Variants in SYBU observed in about 807,000 individuals in gnomAD.
SYBU encodes the protein syntabulin.
Under a neutral mutation model 35.9 loss-of-function variants are expected in SYBU, and 21 were observed. That is an observed-to-expected ratio of 0.58 (90% CI 0.41 to 0.84). SYBU has a LOEUF of 0.84. Among genes scored for constraint, SYBU ranks in the 40% least tolerant of loss-of-function variants. The pLI, the probability that SYBU is intolerant of heterozygous loss-of-function variation, is 0.00. For missense variants in SYBU, 768 were observed against 848.2 expected, an observed-to-expected ratio of 0.91 and a Z score of 1.17; for synonymous variants, 319 against 324.3, an observed-to-expected ratio of 0.98 and a Z score of 0.18.
chr8:109,616,052 C>T (rs1176816779), intron 3 of SYBU, among the ~76,000 whole-genome samples: 1 of 108,780 alleles, frequency 9.2e-6, no homozygotes, highest in African/African-American at 4.2e-5. Flanking sequence ...CGCTCTGTCA[C>T]CCAGGCTGGA....
intron 1 of SYBU, 128 bp downstream of exon 1, chr8:109,644,508 A>C: frequency 1.8e-6 from 2 of 1,124,436 alleles, no homozygotes; most frequent in Non-Finnish European, 2.5e-6. Context: ...TCCAGACCCC[A>C]CCACCACCTC....
At position 109,630,429 on chromosome 8, in the gene SYBU, A is replaced by T. The variant is rs1160074354; in HGVS notation, c.230-11390T>A. Among the ~76,000 whole-genome samples, 7 of 152,168 alleles carry T rather than the reference A, an allele frequency of 4.6e-5. No homozygotes were observed. In the South Asian group the frequency reaches 8.3e-4, roughly 18 times the overall value. ...CCTAAAACTTGAAGTATAATAATAA[A>T]AAAAAAAAGAATGAAAGGATAGAAG... On this transcript the variant is annotated intron_variant, in intron 2 of 6. Transcript: ENST00000276646.
intron 2 of SYBU, among the ~76,000 whole-genome samples, chr8:109,620,443 G>T (rs1812287796): frequency 6.6e-6 from 1 of 152,140 alleles, no homozygotes. Context: ...CATGCTGATT[G>T]CTAGAATCCA....
intron 3 of SYBU, among the ~76,000 whole-genome samples, chr8:109,606,410 T>C (rs1826072742): frequency 6.6e-6 from 1 of 152,160 alleles, no homozygotes; most frequent in Admixed American, 6.5e-5. Flanking sequence ...CTCCACTACA[T>C]AGAGGAAAGA....
At chr8:109,608,016 C>A (rs571484806) in intron 3 of SYBU, 2 of 1,489,598 alleles carry the variant, frequency 1.3e-6, no homozygotes, top group Non-Finnish European at 1.8e-6. Context: ...GTGTGCAGCT[C>A]ATATCTCAGT....
At chr8:109,600,155 CT>C (rs1825356624) in intron 3 of SYBU, among the ~76,000 whole-genome samples, 1 of 152,120 alleles carries the variant, frequency 6.6e-6, no homozygotes, top group African/African-American at 2.4e-5. Flanking sequence ...AGGGCGTGTT[CT>C]TTTGTATCCC....
At chr8:109,635,544 T>C (rs1233659529) in intron 2 of SYBU, among the ~76,000 whole-genome samples, 4 of 152,164 alleles carry the variant, frequency 2.6e-5, no homozygotes, top group Non-Finnish European at 4.4e-5. Flanking sequence ...TTGTCTAAAA[T>C]TCAACAAAGC....
At chr8:109,589,579 G>A (rs1823992646) in intron 3 of SYBU, among the ~76,000 whole-genome samples, 2 of 152,194 alleles carry the variant, frequency 1.3e-5, no homozygotes, top group African/African-American at 2.4e-5. Flanking sequence ...GTGGCCTCCA[G>A]AAGTTCTGGC....
At chr8:109,623,879 TAAAG>T (rs1201543064) in intron 2 of SYBU, among the ~76,000 whole-genome samples, 3 of 152,140 alleles carry the variant, frequency 2.0e-5, no homozygotes, top group Non-Finnish European at 4.4e-5. Flanking sequence ...AAGAATAAAA[TAAAG>T]ACATACTATT....
chr8:109,579,831 G>A lies in SYBU; in HGVS notation c.702C>T (p.Ser234=), dbSNP rs1472996912. Residue 234 remains serine, a synonymous_variant, in exon 5 of 7, where the codon TCC becomes TCT. Coordinates refer to ENST00000276646, the MANE Select transcript of SYBU (RefSeq NM_001099754.2). ...TGGGGCTACAGTCGCTTCCTTTGTA[G>A]GAGCCTGAGTTGCTACTGCTTGGGG... ...PSSPSSSNSG[S]YKGSDCSPIM... 6.3e-7 allele frequency: 1 copy of A among 1,592,854 alleles called. No homozygotes were observed. The highest frequency in any genetic ancestry group is 8.6e-7 in the Non-Finnish European group (1 of 1,165,174).
intron 1 of SYBU, among the ~76,000 whole-genome samples, chr8:109,675,507 C>T (rs1428642726): frequency 6.6e-6 from 1 of 152,160 alleles, no homozygotes; most frequent in Non-Finnish European, 1.5e-5. Context: ...ATACTATAAA[C>T]ACCTCTACAC....
At chr8:109,662,510 A>G (rs1816599895) in intron 1 of SYBU, among the ~76,000 whole-genome samples, 1 of 151,830 alleles carries the variant, frequency 6.6e-6, no homozygotes, top group Admixed American at 6.6e-5. Context: ...GCCACCACCC[A>G]CTCATCTTTC....
intron 2 of SYBU, among the ~76,000 whole-genome samples, chr8:109,639,067 C>G (rs913538376): frequency 3.9e-5 from 6 of 152,128 alleles, no homozygotes; most frequent in African/African-American, 1.4e-4. Context: ...GGAGGGAAAA[C>G]AGAAAGTGGG....
chr8:109,685,517 C>A (rs1213842287), upstream of SYBU, among the ~76,000 whole-genome samples: 1 of 152,208 alleles, frequency 6.6e-6, no homozygotes, highest in African/African-American at 2.4e-5. Flanking sequence ...AAAAATCAAA[C>A]AGGTCCGGTC....
intron 1 of SYBU, among the ~76,000 whole-genome samples, chr8:109,676,200 G>T (rs534385447): frequency 6.6e-6 from 1 of 152,110 alleles, no homozygotes; most frequent in African/African-American, 2.4e-5. Flanking sequence ...GGGAAAAGCT[G>T]GAAGCATTTC....
intron 1 of SYBU, among the ~76,000 whole-genome samples, chr8:109,661,185 G>A (rs1410605586): frequency 1.3e-5 from 2 of 152,202 alleles, no homozygotes. Flanking sequence ...GCAAATGCTG[G>A]AATATGAGCA....
intron 2 of SYBU, among the ~76,000 whole-genome samples, chr8:109,637,364 A>G (rs1040927998): frequency 1.3e-5 from 2 of 152,174 alleles, no homozygotes; most frequent in African/African-American, 4.8e-5. Flanking sequence ...TTTACTTTTC[A>G]CCATTCCTAC....
At chr8:109,624,135 A>C (rs1384957849) in intron 2 of SYBU, among the ~76,000 whole-genome samples, 5 of 152,144 alleles carry the variant, frequency 3.3e-5, no homozygotes, top group African/African-American at 1.2e-4. Context: ...AGAATAATAA[A>C]TGCAAGTGAC....
chr8:109,684,071 C>T (rs576233571), upstream of SYBU, among the ~76,000 whole-genome samples: 93 of 152,182 alleles, frequency 6.1e-4, no homozygotes, highest in Admixed American at 2.2e-3. Flanking sequence ...CAAACTAATA[C>T]ACTTCACCTA....
Sources: gnomAD v4.1 joint callset for allele counts (sites outside exome capture counted in the v4.1 genomes callset) on GRCh38, gnomAD v4.1.1 for gene constraint, MANE v1.5 for transcripts, NCBI Gene and HGNC (gene_info 2026-07-23, HGNC 2026-07-21) for gene names.